Variants in RNF157 observed in about 807,000 individuals in gnomAD.
RNF157 encodes E3 ubiquitin ligase RNF157.
A neutral mutation model predicts 88.3 loss-of-function variants in RNF157; 55 were observed. The observed-to-expected ratio is 0.62, with a 90% CI of 0.50 to 0.78. The LOEUF is 0.78. Among genes scored for constraint, RNF157 ranks in the 30% least tolerant of loss-of-function variants. The probability of loss-of-function intolerance (pLI) is 0.00; values close to 1 mark genes in which losing one functional copy is unlikely to be tolerated. For synonymous variants in RNF157, 334 were observed against 341.2 expected, an observed-to-expected ratio of 0.98 and a Z score of 0.23; for missense variants, 788 against 860.8, an observed-to-expected ratio of 0.92 and a Z score of 1.06.
intron 2 of RNF157, among the ~76,000 whole-genome samples, chr17:76,200,197 G>A (rs1280999262): frequency 2.6e-5 from 4 of 151,824 alleles, no homozygotes; most frequent in Admixed American, 6.5e-5. Context: ...AGCCAAGATC[G>A]CGCCACTCCA....
At chr17:76,145,751 G>A (rs983698410) in intron 18 of RNF157, among the ~76,000 whole-genome samples, 1 of 152,208 alleles carries the variant, frequency 6.6e-6, no homozygotes, top group Admixed American at 6.5e-5. Context: ...GCAGGAAGAG[G>A]TGGGGGGAAG....
chr17:76,162,273 G>A (rs1449177582), intron 9 of RNF157: 3 of 580,572 alleles, frequency 5.2e-6, no homozygotes, highest in African/African-American at 3.7e-5. Flanking sequence ...CAGCTGAAGG[G>A]ACTTAGGGGA....
At chr17:76,166,043 C>T (rs1374322399) in intron 6 of RNF157, among the ~76,000 whole-genome samples, 3 of 151,502 alleles carry the variant, frequency 2.0e-5, no homozygotes, top group Non-Finnish European at 2.9e-5. Context: ...GGCACAATCT[C>T]GGCTCACTGC....
intron 2 of RNF157, among the ~76,000 whole-genome samples, chr17:76,194,832 G>A (rs193257678): frequency 8.7e-4 from 132 of 152,236 alleles, no homozygotes; most frequent in Admixed American, 1.5e-3. Context: ...TGGCTAACAT[G>A]GTGAAACCCC....
intron 2 of RNF157, among the ~76,000 whole-genome samples, chr17:76,174,909 T>C (rs10512608): frequency 0.077 from 11,769 of 152,286 alleles, 735 homozygotes; most frequent in African/African-American, 0.16. Context: ...TACTTTTTCA[T>C]TGATATATTA....
intron 12 of RNF157, among the ~76,000 whole-genome samples, chr17:76,158,992 C>G (rs768874062): frequency 6.6e-6 from 1 of 152,144 alleles, no homozygotes; most frequent in Non-Finnish European, 1.5e-5. Context: ...TTAAGAGATA[C>G]GGATCACAAG....
At chr17:76,212,523 C>G (rs1433204749) in intron 1 of RNF157, 41 bp from the exon 2 acceptor site, 2 of 1,278,554 alleles carry the variant, frequency 1.6e-6, no homozygotes, top group Middle Eastern at 1.8e-4. Flanking sequence ...AAGCAGAAAA[C>G]AGTCAACCTA....
Position 76,146,676 on chromosome 17 carries a change from G to C in RNF157, c.1922-1323C>G, listed in dbSNP as rs1193102237. On this transcript the variant is annotated intron_variant, in intron 18 of 18. Transcript: ENST00000269391. The surrounding 1 kb of genome is among the most constrained non-coding windows in gnomAD (Gnocchi z 4.2). The stretch of plus-strand genomic sequence containing the variant: ...GCCTGAACTACTGCTCCACGCACAC[G>C]TCACATGGCAGAAACCGCTAGGTCC... 8.1e-6 allele frequency: 8 copies of C among 985,358 alleles called. No homozygotes were observed. The highest frequency in any genetic ancestry group is 9.6e-6 in the Non-Finnish European group (8 of 829,950). The allele number at this position is 985,358 out of a possible 1,614,324, so 61.0% of individuals were successfully genotyped here.
At chr17:76,213,305 C>T (rs536787448) in intron 1 of RNF157, among the ~76,000 whole-genome samples, 16 of 152,182 alleles carry the variant, frequency 1.1e-4, no homozygotes, top group African/African-American at 3.9e-4. Context: ...CATGGTGGCT[C>T]ATGCCTGTAA....
At chr17:76,168,526 G>C (rs534359902) in intron 3 of RNF157, among the ~76,000 whole-genome samples, 1 of 151,280 alleles carries the variant, frequency 6.6e-6, no homozygotes, top group Non-Finnish European at 1.5e-5. Flanking sequence ...AAGACGTTCA[G>C]ATGCACCAAG....
intron 12 of RNF157, 25 bp downstream of exon 12, chr17:76,159,310 A>G: frequency 6.3e-7 from 1 of 1,575,556 alleles, no homozygotes; most frequent in Admixed American, 1.7e-5. Context: ...TCCGGGGGCA[A>G]CAGTGTGGAG....
At position 76,165,542 on chromosome 17, in the gene RNF157, T is replaced by C. The variant is rs1236131050; in HGVS notation, c.632A>G (p.Tyr211Cys). 1 of 1,614,176 alleles carries C rather than the reference T, an allele frequency of 6.2e-7. No individual in the cohort carries two copies. Residue 211 changes from tyrosine (Y) to cysteine (C), a missense_variant, in exon 7 of 19, where the codon TAT becomes TGT. Tyr to Cys is a radical substitution (Grantham distance 194). Transcript: ENST00000269391. ...CAGCAGTACATGGCAATGGCCAAAA[T>C]ACTCTGAAAGAAACAAAGGCACGTG... is the stretch of plus-strand genomic sequence containing the variant. ...VHAVVDEGDE[Y>C]FGHCHVLLGT...
intron 1 of RNF157, among the ~76,000 whole-genome samples, chr17:76,233,420 T>C (rs1035384777): frequency 1.8e-4 from 28 of 152,264 alleles, no homozygotes; most frequent in Admixed American, 1.8e-3. Context: ...TTTACTTGTA[T>C]GGATTTTGCT....
At position 76,180,888 on chromosome 17, in the gene RNF157, C is replaced by G. The variant is rs141041065; in HGVS notation, c.208-7098G>C. On this transcript the variant is annotated intron_variant, in intron 2 of 18. Transcript: ENST00000269391. ...TAGGTATGCTCTTATTTCACATTCT[C>G]GAAAGGAACAACATGCCTGCCCCTC... 7.8e-3 allele frequency among the ~76,000 whole-genome samples: 1,190 copies of G among 152,270 alleles called. 10 individuals carry two copies. Among genetic ancestry groups the G allele is most frequent in the African/African-American group, 0.027 (1,125 of 41,530 alleles).
rs115255423 is a variant in RNF157, at chr17:76,180,383, C to A, written c.208-6593G>T. 6.5e-3 allele frequency among the ~76,000 whole-genome samples: 997 copies of A among 152,276 alleles called. 7 individuals carry two copies. Among genetic ancestry groups the A allele is most frequent in the African/African-American group, 0.022 (934 of 41,548 alleles). On this transcript the variant is annotated intron_variant, in intron 2 of 18. Transcript: ENST00000269391. ...AAAGCAAGGCACAGATCCCCCTAAT[C>A]TATTCATCTAACCAGAAAACTCTGC...
chr17:76,220,698 G>A (rs377485146), intron 1 of RNF157, among the ~76,000 whole-genome samples: 6 of 151,628 alleles, frequency 4.0e-5, no homozygotes, highest in Non-Finnish European at 8.8e-5. Flanking sequence ...AGTGGCTCAC[G>A]CCTGTAATCC....
chr17:76,156,885 G>A (rs368794414), intron 13 of RNF157, among the ~76,000 whole-genome samples: 14 of 151,914 alleles, frequency 9.2e-5, no homozygotes, highest in Middle Eastern at 3.4e-3. Flanking sequence ...AAAGTTCTAC[G>A]AACTGTATCT....
chr17:76,194,801 G>A (rs574606393), intron 2 of RNF157, among the ~76,000 whole-genome samples: 1 of 152,148 alleles, frequency 6.6e-6, no homozygotes, highest in Non-Finnish European at 1.5e-5. Flanking sequence ...AGATCACGAG[G>A]TCAGGAGATC....
chr17:76,156,266 A>G lies in RNF157; in HGVS notation c.1469T>C (p.Ile490Thr), dbSNP rs777326304. ...ENLTLSSSGA[I>T]DQSSCTGTPL... is the part of the protein sequence containing the mutation. ...CGTCCCTGTGCAAGACGACTGGTCA[A>G]TAGCTCCAGATGACGACAAGGTGAG... The change falls in exon 14 of 19, where the codon ATT becomes ACT. Residue 490 changes from isoleucine to threonine, a missense_variant. Coordinates refer to ENST00000269391, the MANE Select transcript of RNF157 (RefSeq NM_052916.3). 7.4e-6 allele frequency: 12 copies of G among 1,614,146 alleles called. No homozygotes were observed. The highest frequency in any genetic ancestry group is 9.3e-6 in the Non-Finnish European group (11 of 1,180,006).
Sources: gnomAD v4.1 joint callset for allele counts (sites outside exome capture counted in the v4.1 genomes callset) on GRCh38, gnomAD v4.1.1 for gene constraint, Gnocchi (gnomAD v3.1) non-coding constraint, MANE v1.5 for transcripts, NCBI Gene and HGNC (gene_info 2026-07-23, HGNC 2026-07-21) for gene names.